EHF: variants seen among roughly 807,000 people sequenced by gnomAD.
EHF encodes ESE3 transcription factor.
EHF carries 14 observed loss-of-function variants against 45.1 expected under a neutral mutation model. That is an observed-to-expected ratio of 0.31 (90% CI 0.21 to 0.49). EHF has a LOEUF of 0.49. EHF is among the 20% of genes least tolerant of loss of function. The probability of loss-of-function intolerance (pLI) is 0.99; values close to 1 mark genes in which losing one functional copy is unlikely to be tolerated. For synonymous variants in EHF, 136 were observed against 131.8 expected (o/e 1.03, Z -0.22); for missense variants, 282 against 371.4 (o/e 0.76, Z 1.98).
chr11:34,644,365 A>G (rs1362917274), intron 2 of EHF, among the ~76,000 whole-genome samples: 1 of 152,266 alleles, frequency 6.6e-6, no homozygotes, highest in African/African-American at 2.4e-5. Flanking sequence ...ATTGGGGGAA[A>G]TGGAAAGATC....
At chr11:34,629,009 G>A (rs2133993381) in intron 1 of EHF, among the ~76,000 whole-genome samples, 1 of 152,304 alleles carries the variant, frequency 6.6e-6, no homozygotes, top group South Asian at 2.1e-4. Flanking sequence ...TCCTGCCTCT[G>A]GTTATGGTGA....
intron 7 of EHF, 76 bp downstream of exon 7, chr11:34,657,046 G>C: frequency 6.5e-7 from 1 of 1,544,326 alleles, no homozygotes. Context: ...CTAGTTTTTT[G>C]GCAAATATCG....
intron 3 of EHF, among the ~76,000 whole-genome samples, chr11:34,648,318 A>C (rs1240830805): frequency 6.6e-6 from 1 of 152,010 alleles, no homozygotes; most frequent in Non-Finnish European, 1.5e-5. Context: ...CTGGGGAAGA[A>C]AACAGACTAG....
intron 1 of EHF, among the ~76,000 whole-genome samples, chr11:34,639,657 C>T (rs1853788060): frequency 6.6e-6 from 1 of 152,254 alleles, no homozygotes; most frequent in African/African-American, 2.4e-5. Flanking sequence ...TCTTTGCTTA[C>T]AAGCCCAGGT....
intron 6 of EHF, 28 bp downstream of exon 6, chr11:34,651,833 G>C: frequency 6.2e-7 from 1 of 1,603,546 alleles, no homozygotes; most frequent in Non-Finnish European, 8.5e-7. Context: ...CTGAGGCTGG[G>C]TATGCCTAAT....
intron 1 of EHF, among the ~76,000 whole-genome samples, chr11:34,630,057 T>C: frequency 6.6e-6 from 1 of 152,196 alleles, no homozygotes; most frequent in Admixed American, 6.5e-5. Context: ...AAAGGGAGCT[T>C]CCATATTAGG....
At chr11:34,623,221 G>T (rs1175551029) in intron 1 of EHF, among the ~76,000 whole-genome samples, 4 of 152,014 alleles carry the variant, frequency 2.6e-5, no homozygotes, top group African/African-American at 9.7e-5. Context: ...GAGTAGCTGG[G>T]ATTACATGTG....
rs2134254302 is a variant in EHF, at chr11:34,661,056, A to G, written c.*2125A>G. 1 of 152,296 alleles carries G rather than the reference A, an allele frequency of 6.6e-6. No homozygotes were observed. Among genetic ancestry groups the G allele is most frequent in the Non-Finnish European group, 1.5e-5 (1 of 68,008 alleles). The allele number at this position is 152,296 out of a possible 1,614,324, so 9.4% of individuals were successfully genotyped here. On this transcript the variant is annotated 3_prime_UTR_variant, in exon 9 of 9. Coordinates refer to ENST00000257831, the MANE Select transcript of EHF (RefSeq NM_012153.6). ...TAACAGTTACTGAAAGAGCTGAGAA[A>G]AAGAACAATGAACAGCAACGATCTT...
chr11:34,651,566 A>C lies in EHF; in HGVS notation c.431A>C (p.Lys144Thr), dbSNP rs748724278. ...QTEPSIMNTWKDENYLYDTNY... is the reference protein window; with the variant it reads ...QTEPSIMNTWTDENYLYDTNY... ...GAGCCTTCCATCATGAACACCTGGA[A>C]AGACGAGAACTATTTATATGACACC... The change falls in exon 5 of 9, where the codon AAA (lysine) becomes ACA (threonine). Residue 144 changes from lysine to threonine, a missense_variant. Transcript: ENST00000257831. 2 of 1,613,968 alleles carry C rather than the reference A, an allele frequency of 1.2e-6. No individual in the cohort carries two copies. Among genetic ancestry groups the C allele is most frequent in the Non-Finnish European group, 1.7e-6 (2 of 1,179,874 alleles).
At chr11:34,635,274 T>C (rs1353631673) in intron 1 of EHF, among the ~76,000 whole-genome samples, 3 of 151,878 alleles carry the variant, frequency 2.0e-5, no homozygotes, top group African/African-American at 7.3e-5. Context: ...GAAGGTTCGC[T>C]CTGTATATTT....
At chr11:34,626,792 G>A (rs1852411882) in intron 1 of EHF, among the ~76,000 whole-genome samples, 1 of 152,184 alleles carries the variant, frequency 6.6e-6, no homozygotes, top group Admixed American at 6.5e-5. Context: ...GAGATGTGGT[G>A]TAAAGAACAC....
rs1422451432 is a variant in EHF, at chr11:34,642,734, G to C, written c.97+7G>C. On this transcript the variant is annotated splice_region_variant and intron_variant, in intron 2 of 8. Transcript: ENST00000257831. The stretch of plus-strand genomic sequence containing the variant: ...AGCTACTCCACGTGCAATGGTAAGA[G>C]GGCCTGTGGGTGTTGGTGTCACTGC... 6 of 1,606,748 alleles carry C rather than the reference G, an allele frequency of 3.7e-6. No homozygotes were observed. The African/African-American group carries it at 6.7e-5, about 18-fold the overall frequency.
Position 34,646,536 on chromosome 11 carries a change from C to T in EHF, c.195C>T (p.Thr65=). The T allele has an allele frequency of 1.2e-6, 2 of 1,613,898 alleles. No homozygotes were observed. Among genetic ancestry groups the T allele is most frequent in the South Asian group, 2.2e-5 (2 of 91,038 alleles). ...VWEWLQHLLD[T]NQLDANCIPF... Reference sequence around the variant, plus strand: ...AGTGGCTCCAGCACCTCCTGGACACCAACCAGCTGGATGCCAATTGTATCC... The same window carrying T: ...AGTGGCTCCAGCACCTCCTGGACACTAACCAGCTGGATGCCAATTGTATCC... Residue 65 remains threonine (T), a synonymous_variant, in exon 3 of 9, where the codon ACC becomes ACT. Transcript: ENST00000257831.
chr11:34,632,688 GCT>G, intron 1 of EHF: 1 of 1,532,136 alleles, frequency 6.5e-7, no homozygotes, highest in Non-Finnish European at 8.7e-7. Flanking sequence ...GGGTTGCCCG[GCT>G]CTCTCTGCTC....
chr11:34,656,290 T>C (rs1399770687), intron 6 of EHF, among the ~76,000 whole-genome samples: 1 of 152,112 alleles, frequency 6.6e-6, no homozygotes, highest in African/African-American at 2.4e-5. Context: ...AATGGCGCCT[T>C]TGTCAGGCTG....
rs1359598679 is a variant in EHF at position 34,662,570 on chromosome 11, G to A, written c.*3639G>A. Reference sequence around the variant, plus strand: ...CTAAGTTTTAGTATTTGGGGGATTGGTTTTTATTATTTTTTTCCTTTTTGA... The same window carrying A: ...CTAAGTTTTAGTATTTGGGGGATTGATTTTTATTATTTTTTTCCTTTTTGA... On this transcript the variant is annotated 3_prime_UTR_variant, in exon 9 of 9. Transcript: ENST00000257831. Among the ~76,000 whole-genome samples, 1 of 151,992 alleles carries A rather than the reference G, an allele frequency of 6.6e-6. No homozygotes were observed. Among genetic ancestry groups the A allele is most frequent in the African/African-American group, 2.4e-5 (1 of 41,392 alleles).
intron 2 of EHF, 150 bp downstream of exon 2, chr11:34,642,877 C>A: frequency 1.6e-6 from 1 of 626,380 alleles, no homozygotes; most frequent in East Asian, 2.8e-5. Context: ...TTTGGAGTTC[C>A]CTACCAGCCC....
At chr11:34,656,053 T>TACACACACAC (rs61484102) in intron 6 of EHF, among the ~76,000 whole-genome samples, 3 of 149,448 alleles carry the variant, frequency 2.0e-5, no homozygotes, top group African/African-American at 7.4e-5. Context: ...GTCCTCCCAA[T>TACACACACAC]ACACACACAC....
At chr11:34,656,820 T>G in intron 6 of EHF, 88 bp from the exon 7 acceptor site, 1 of 1,468,934 alleles carries the variant, frequency 6.8e-7, no homozygotes, top group Non-Finnish European at 9.3e-7. Context: ...AGGTGCTCAG[T>G]AAATATTGTT....
Sources: allele counts gnomAD v4.1 joint callset (sites outside exome capture counted in the v4.1 genomes callset), GRCh38; gene constraint gnomAD v4.1.1; transcripts MANE v1.5; gene names NCBI Gene and HGNC (gene_info 2026-07-23, HGNC 2026-07-21).